The following MTA3 variants were observed in gnomAD, a reference collection of about 807,000 sequenced individuals.
MTA3 encodes metastasis-associated protein MTA3.
A neutral mutation model predicts 83.5 loss-of-function variants in MTA3; 34 were observed. The observed-to-expected ratio is 0.41, with a 90% CI of 0.31 to 0.54. The LOEUF (loss-of-function observed/expected upper bound fraction) is 0.54, where lower values mean the gene tolerates loss of function less well. MTA3 is among the 20% of genes least tolerant of loss of function. The pLI is 0.33. For synonymous variants in MTA3, 303 were observed against 252.7 expected, an observed-to-expected ratio of 1.20 and a Z score of -1.89; for missense variants, 761 against 726.4, an observed-to-expected ratio of 1.05 and a Z score of -0.55.
intron 2 of MTA3, among the ~76,000 whole-genome samples, chr2:42,549,504 A>G (rs1164403227): frequency 2.0e-5 from 2 of 100,596 alleles, no homozygotes; most frequent in Admixed American, 3.0e-4. Context: ...ATTATATCAT[A>G]TATAATATAT....
chr2:42,755,289 C>T lies in MTA3; in HGVS notation c.*1890C>T, dbSNP rs113041261. The T allele has an allele frequency of 1.0e-3, 1,017 of 985,462 alleles. 11 individuals carry two copies. The African/African-American group carries it at 0.015, about 14-fold the overall frequency. 61.0% of individuals were successfully genotyped at this position (985,462 alleles called of 1,614,324 possible). On this transcript the variant is annotated 3_prime_UTR_variant, in exon 17 of 17. Coordinates refer to ENST00000405094, the MANE Select transcript of MTA3 (RefSeq NM_001330442.2). The stretch of plus-strand genomic sequence containing the variant: ...CTGAACCCCTACTAAGTGGTGACTG[C>T]AGATTCTGGAAACAATTAGCTGCCC...
intron 14 of MTA3, among the ~76,000 whole-genome samples, chr2:42,713,210 A>G (rs1666765626): frequency 6.6e-6 from 1 of 152,204 alleles, no homozygotes; most frequent in African/African-American, 2.4e-5. Context: ...GGGCCACAGT[A>G]TTCCCCTGTA....
intron 2 of MTA3, among the ~76,000 whole-genome samples, chr2:42,548,561 G>A (rs1429878653): frequency 2.6e-5 from 4 of 151,162 alleles, no homozygotes; most frequent in Non-Finnish European, 4.4e-5. Context: ...GAAGGCTGAG[G>A]CGAGAGGATT....
At chr2:42,526,505 C>T (rs1479665512) in intron 2 of MTA3, among the ~76,000 whole-genome samples, 3 of 152,188 alleles carry the variant, frequency 2.0e-5, no homozygotes, top group African/African-American at 7.2e-5. Flanking sequence ...AACCCAGATA[C>T]ATCACAGGCA....
intron 2 of MTA3, among the ~76,000 whole-genome samples, chr2:42,542,835 G>A (rs948240478): frequency 6.6e-6 from 1 of 152,060 alleles, no homozygotes; most frequent in Non-Finnish European, 1.5e-5. Context: ...GGGATTACAG[G>A]CGTGACCCAC....
intron 2 of MTA3, among the ~76,000 whole-genome samples, chr2:42,499,270 C>T (rs1239358222): frequency 6.6e-6 from 1 of 151,430 alleles, no homozygotes; most frequent in East Asian, 2.0e-4. Context: ...CAGGTTCAAG[C>T]GATTCTCCTG....
chr2:42,525,897 C>G (rs1258788909), intron 2 of MTA3, among the ~76,000 whole-genome samples: 1 of 151,592 alleles, frequency 6.6e-6, no homozygotes, highest in African/African-American at 2.4e-5. Context: ...TGAGCTCAGG[C>G]AATCCACCTG....
chr2:42,694,725 A>T (rs1443527873), intron 9 of MTA3, among the ~76,000 whole-genome samples: 1 of 152,230 alleles, frequency 6.6e-6, no homozygotes, highest in East Asian at 1.9e-4. Context: ...ACCAGATGAC[A>T]CACAGTCATA....
chr2:42,685,726 A>G (rs753571561), intron 9 of MTA3, among the ~76,000 whole-genome samples: 8 of 152,166 alleles, frequency 5.3e-5, no homozygotes, highest in Non-Finnish European at 1.0e-4. Context: ...TGTATTTTGG[A>G]GACTGGAATT....
rs1412356866 is a variant in MTA3 at position 42,655,642 on chromosome 2, G to A, written c.500-558G>A. On this transcript the variant is annotated intron_variant, in intron 6 of 16. Transcript: ENST00000405094. ...TTCTGAGACAAAGTCTTACTCTGTC[G>A]CCCAGGTTGGAGTACAGTGGCGCAA... is the stretch of plus-strand genomic sequence containing the variant. Among the ~76,000 whole-genome samples the A allele has an allele frequency of 4.6e-5, 7 of 152,178 alleles. 1 individual carries two copies. The highest frequency in any genetic ancestry group is 2.0e-4 in the Admixed American group (3 of 15,278).
intron 12 of MTA3, among the ~76,000 whole-genome samples, chr2:42,706,455 G>A (rs929114888): frequency 1.3e-5 from 2 of 152,076 alleles, no homozygotes; most frequent in Non-Finnish European, 2.9e-5. Flanking sequence ...TACATGATGG[G>A]TGTACAGTGT....
At chr2:42,621,814 C>T (rs1354934246) in intron 4 of MTA3, among the ~76,000 whole-genome samples, 1 of 148,556 alleles carries the variant, frequency 6.7e-6, no homozygotes, top group African/African-American at 2.6e-5. Flanking sequence ...ACCTCCCAGA[C>T]GGGGTCGTGG....
intron 6 of MTA3, among the ~76,000 whole-genome samples, chr2:42,647,912 C>T (rs1688364408): frequency 6.6e-6 from 1 of 152,186 alleles, no homozygotes; most frequent in Non-Finnish European, 1.5e-5. Flanking sequence ...GATCTCGGCT[C>T]ATTGCAACCT....
chr2:42,547,546 G>C (rs1250912260), intron 2 of MTA3, among the ~76,000 whole-genome samples: 1 of 152,242 alleles, frequency 6.6e-6, no homozygotes, highest in African/African-American at 2.4e-5. Context: ...GGCCAGGCTA[G>C]TCTTGAACTC....
intron 4 of MTA3, among the ~76,000 whole-genome samples, chr2:42,624,008 C>T (rs114841834): frequency 1.1e-3 from 166 of 152,158 alleles, no homozygotes; most frequent in African/African-American, 3.3e-3. Flanking sequence ...CCACTTCGCC[C>T]GGTCTGGTAG....
intron 3 of MTA3, among the ~76,000 whole-genome samples, chr2:42,607,963 A>C (rs190563482): frequency 6.6e-6 from 1 of 152,330 alleles, no homozygotes; most frequent in Admixed American, 6.5e-5. Flanking sequence ...AAAAAGTTAT[A>C]CAAATACATA....
intron 14 of MTA3, chr2:42,709,460 A>T: frequency 3.3e-6 from 1 of 304,586 alleles, no homozygotes; most frequent in Non-Finnish European, 5.8e-6. Context: ...GGATGCTGTT[A>T]TAATGAGACT....
At chr2:42,724,357 C>A (rs527798085) in intron 16 of MTA3, among the ~76,000 whole-genome samples, 1 of 137,880 alleles carries the variant, frequency 7.3e-6, no homozygotes, top group Non-Finnish European at 1.6e-5. Flanking sequence ...GGTAAAAAGA[C>A]TGTCGTTGTG....
intron 16 of MTA3, among the ~76,000 whole-genome samples, chr2:42,737,888 A>C (rs1245146995): frequency 6.6e-6 from 1 of 152,182 alleles, no homozygotes; most frequent in Admixed American, 6.5e-5. Flanking sequence ...GATACTATTG[A>C]GTTCAGTTCA....
Sources: gnomAD v4.1 joint callset for allele counts (sites outside exome capture counted in the v4.1 genomes callset) on GRCh38, gnomAD v4.1.1 for gene constraint, MANE v1.5 for transcripts, NCBI Gene and HGNC (gene_info 2026-07-23, HGNC 2026-07-21) for gene names.